Variants in MYO1B observed in about 807,000 individuals in gnomAD.
The protein encoded by MYO1B is myosin IB, also known as unconventional myosin-Ib.
A neutral mutation model predicts 159.7 loss-of-function variants in MYO1B; 72 were observed. The observed-to-expected ratio is 0.45, with a 90% CI of 0.37 to 0.55. MYO1B has a LOEUF of 0.55. Among genes scored for constraint, MYO1B ranks in the 20% least tolerant of loss-of-function variants. The pLI, the probability that MYO1B is intolerant of heterozygous loss-of-function variation, is 0.00. For synonymous variants in MYO1B, 468 were observed against 473.8 expected (o/e 0.99, Z 0.16); for missense variants, 1,062 against 1,364.8 (o/e 0.78, Z 3.50).
Position 191,261,675 on chromosome 2 carries a change from A to G in MYO1B, c.-9-15212A>G, listed in dbSNP as rs527306816. ...GAATTCAGCAAGGCGGGACGTAGAG[A>G]GGGGTATGGGGCATTTGTAAAGGGT... On this transcript the variant is annotated intron_variant, in intron 1 of 30. Transcript: ENST00000392318. 3.3e-5 allele frequency among the ~76,000 whole-genome samples: 5 copies of G among 152,208 alleles called. No individual in the cohort carries two copies. The East Asian group carries it at 9.7e-4, about 29-fold the overall frequency.
At chr2:191,326,353 G>GA (rs34033216) in intron 3 of MYO1B, among the ~76,000 whole-genome samples, 68,752 of 151,790 alleles carry the variant, frequency 0.45, 16,194 homozygotes, top group African/African-American at 0.6. Flanking sequence ...TTGGGAGGGG[G>GA]TTTGTGTTCT....
chr2:191,411,096 C>G lies in MYO1B; in HGVS notation c.2797C>G (p.Gln933Glu). The change falls in exon 27 of 31, where the codon CAG becomes GAG. Residue 933 changes from glutamine (Q) to glutamate (E), a missense_variant. Coordinates refer to ENST00000392318, the MANE Select transcript of MYO1B (RefSeq NM_001130158.3). ...CKKYRDQFTDQQKLIYEEKLE... is the reference protein window; with the variant it reads ...CKKYRDQFTDEQKLIYEEKLE... ...AAAATACAGGGACCAATTCACAGAC[C>G]AGCAGAAACTTATTTATGAAGAGAA... is the stretch of plus-strand genomic sequence containing the variant. The G allele has an allele frequency of 6.2e-7, 1 of 1,611,198 alleles. No homozygotes were observed. The highest frequency in any genetic ancestry group is 1.1e-5 in the South Asian group (1 of 90,296).
At chr2:191,266,345 C>T (rs1039544071) in intron 1 of MYO1B, among the ~76,000 whole-genome samples, 3 of 152,146 alleles carry the variant, frequency 2.0e-5, no homozygotes, top group Non-Finnish European at 4.4e-5. Context: ...TATTGTCATC[C>T]CTGAGTTTTT....
intron 3 of MYO1B, among the ~76,000 whole-genome samples, chr2:191,312,444 G>C (rs1023682258): frequency 6.6e-6 from 1 of 152,070 alleles, no homozygotes; most frequent in East Asian, 1.9e-4. Flanking sequence ...AAACACATAT[G>C]GTCCATATTG....
At chr2:191,388,947 A>G (rs1244761681) in intron 17 of MYO1B, among the ~76,000 whole-genome samples, 3 of 152,088 alleles carry the variant, frequency 2.0e-5, no homozygotes. Context: ...TGAATATATT[A>G]TCGTATATTT....
chr2:191,405,274 CT>C (rs1425169522), intron 24 of MYO1B, among the ~76,000 whole-genome samples: 2 of 152,224 alleles, frequency 1.3e-5, no homozygotes, highest in Admixed American at 6.5e-5. Flanking sequence ...GGTTTCACTT[CT>C]AATTCTAGTT....
intron 30 of MYO1B, among the ~76,000 whole-genome samples, chr2:191,417,855 AACCACAG>A (rs1697672185): frequency 6.6e-6 from 1 of 152,172 alleles, no homozygotes; most frequent in African/African-American, 2.4e-5. Context: ...AAACATAGTC[AACCACAG>A]AGCTCCTTCA....
chr2:191,416,474 A>G, intron 30 of MYO1B: 2 of 511,302 alleles, frequency 3.9e-6, no homozygotes, highest in Non-Finnish European at 6.9e-6. Flanking sequence ...GAAATAGTTG[A>G]TAAGATTTTG....
intron 23 of MYO1B, chr2:191,401,669 T>A (rs1008261592): frequency 6.6e-6 from 1 of 152,216 alleles, no homozygotes; most frequent in Admixed American, 6.5e-5. Flanking sequence ...TAAGCCTATC[T>A]TATGAGAAAA....
chr2:191,365,822 T>C (rs1437306172), intron 11 of MYO1B, among the ~76,000 whole-genome samples: 1 of 152,182 alleles, frequency 6.6e-6, no homozygotes, highest in East Asian at 1.9e-4. Flanking sequence ...GCTGTAGATA[T>C]GTAAAGAGGA....
At chr2:191,329,334 G>T (rs1490027555) in intron 3 of MYO1B, among the ~76,000 whole-genome samples, 2 of 152,060 alleles carry the variant, frequency 1.3e-5, no homozygotes, top group Non-Finnish European at 2.9e-5. Context: ...GCAGTCATTT[G>T]TTTGTAAAGG....
intron 1 of MYO1B, among the ~76,000 whole-genome samples, chr2:191,260,254 C>CTTTTTTTTTTTTTTTTTTTTTT (rs57237733): frequency 0.071 from 4,319 of 60,666 alleles, 1,530 homozygotes; most frequent in Non-Finnish European, 0.13. Flanking sequence ...CCCAGATAGG[C>CTTTTTTTTTTTTTTTTTTTTTT]TTTTTTTTTT....
At chr2:191,264,662 T>C (rs1006771633) in intron 1 of MYO1B, among the ~76,000 whole-genome samples, 1 of 152,118 alleles carries the variant, frequency 6.6e-6, no homozygotes, top group Non-Finnish European at 1.5e-5. Context: ...TAATATATTT[T>C]ATTTTGGTTA....
rs528205786 is a variant in MYO1B at position 191,404,702 on chromosome 2, G to A, written c.2556+1984G>A. Among the ~76,000 whole-genome samples, 9 of 152,344 alleles carry A rather than the reference G, an allele frequency of 5.9e-5. No individual in the cohort carries two copies. The South Asian group carries it at 1.9e-3, about 32-fold the overall frequency. ...GTTTGCCAGTGCAAATAAAAGTTATGTTTACACTGTCTCTACTGTAGTCTA... is the reference window on the plus strand; with the variant it reads ...GTTTGCCAGTGCAAATAAAAGTTATATTTACACTGTCTCTACTGTAGTCTA... On this transcript the variant is annotated intron_variant, in intron 24 of 30. Coordinates refer to ENST00000392318, the MANE Select transcript of MYO1B (RefSeq NM_001130158.3).
At chr2:191,400,948 C>A in intron 23 of MYO1B, 113 bp downstream of exon 23, 1 of 983,450 alleles carries the variant, frequency 1.0e-6, no homozygotes, top group Non-Finnish European at 1.5e-6. Flanking sequence ...CACACTGGTG[C>A]ATGTCCTAGC....
chr2:191,262,757 C>G (rs1455108352), intron 1 of MYO1B, among the ~76,000 whole-genome samples: 1 of 152,138 alleles, frequency 6.6e-6, no homozygotes, highest in Non-Finnish European at 1.5e-5. Context: ...ACCATTCTGC[C>G]AGGTCACCGT....
At chr2:191,422,125 C>T (rs1054974450) in intron 30 of MYO1B, among the ~76,000 whole-genome samples, 19 of 152,188 alleles carry the variant, frequency 1.2e-4, no homozygotes, top group African/African-American at 3.6e-4. Flanking sequence ...ATCCTCACAT[C>T]GCTGGGGGAT....
chr2:191,306,287 G>A (rs1689647407), intron 3 of MYO1B, among the ~76,000 whole-genome samples: 1 of 152,130 alleles, frequency 6.6e-6, no homozygotes. Flanking sequence ...TCTAGGCAGA[G>A]GCAACAGCAG....
In MYO1B at chr2:191,415,286, C is replaced by G. The variant is rs1353388098; in HGVS notation, c.3159+617C>G. On this transcript the variant is annotated intron_variant, in intron 29 of 30. Coordinates refer to ENST00000392318, the MANE Select transcript of MYO1B (RefSeq NM_001130158.3). The stretch of plus-strand genomic sequence containing the variant: ...TGGAGGAACAGGGCCTGTCACATAA[C>G]ACATAGTCACTGAATAAACAAAAGT... 7.9e-5 allele frequency among the ~76,000 whole-genome samples: 12 copies of G among 152,216 alleles called. No individual in the cohort carries two copies. The East Asian group carries it at 1.9e-3, about 24-fold the overall frequency.
Sources: gnomAD v4.1 joint callset for allele counts (sites outside exome capture counted in the v4.1 genomes callset) on GRCh38, gnomAD v4.1.1 for gene constraint, MANE v1.5 for transcripts, NCBI Gene and HGNC (gene_info 2026-07-23, HGNC 2026-07-21) for gene names.